The following MDGA2 variants were observed in gnomAD, a reference collection of about 807,000 sequenced individuals.
MDGA2 encodes MAM domain-containing glycosylphosphatidylinositol anchor protein 2.
A neutral mutation model predicts 117.8 loss-of-function variants in MDGA2; 40 were observed. That is an observed-to-expected ratio of 0.34 (90% CI 0.26 to 0.44). The LOEUF is 0.44. Among genes scored for constraint, MDGA2 ranks in the 20% least tolerant of loss-of-function variants. The pLI is 1.00. For synonymous variants in MDGA2, 452 were observed against 439.0 expected, an observed-to-expected ratio of 1.03 and a Z score of -0.37; for missense variants, 1,123 against 1,250.6, an observed-to-expected ratio of 0.90 and a Z score of 1.54.
intron 1 of MDGA2, among the ~76,000 whole-genome samples, chr14:47,454,441 A>C (rs1028922217): frequency 2.4e-4 from 36 of 152,202 alleles, no homozygotes; most frequent in African/African-American, 8.4e-4. Flanking sequence ...ATATTTCTTT[A>C]ATACTTTAAA....
At chr14:47,532,380 A>G (rs1895118894) in intron 1 of MDGA2, among the ~76,000 whole-genome samples, 1 of 151,966 alleles carries the variant, frequency 6.6e-6, no homozygotes, top group Non-Finnish European at 1.5e-5. Context: ...TCACCCACCA[A>G]TTTTGCCCTA....
intron 2 of MDGA2, among the ~76,000 whole-genome samples, chr14:47,289,664 T>C (rs1447531445): frequency 6.6e-6 from 1 of 152,136 alleles, no homozygotes; most frequent in Non-Finnish European, 1.5e-5. Flanking sequence ...CTATGAGCAA[T>C]GCAATCAATA....
At chr14:47,394,083 T>C (rs1891954729) in intron 1 of MDGA2, among the ~76,000 whole-genome samples, 1 of 152,094 alleles carries the variant, frequency 6.6e-6, no homozygotes, top group Admixed American at 6.6e-5. Flanking sequence ...AAAATGCCAG[T>C]TCATCACTTC....
chr14:46,874,384 G>C (rs1882140715), intron 12 of MDGA2, among the ~76,000 whole-genome samples, 184 bp from the exon 13 acceptor site: 1 of 151,652 alleles, frequency 6.6e-6, no homozygotes, highest in Non-Finnish European at 1.5e-5. Context: ...TAATGAAAAA[G>C]TAAAAGAATT....
At chr14:47,542,112 A>G (rs961808785) in intron 1 of MDGA2, among the ~76,000 whole-genome samples, 6 of 152,210 alleles carry the variant, frequency 3.9e-5, no homozygotes, top group Non-Finnish European at 8.8e-5. Flanking sequence ...TAGGAAAACC[A>G]TGAAGGAGGA....
intron 1 of MDGA2, among the ~76,000 whole-genome samples, chr14:47,325,635 C>T (rs1399428396): frequency 1.3e-5 from 2 of 152,084 alleles, no homozygotes; most frequent in African/African-American, 4.8e-5. Flanking sequence ...TTGAATGTGA[C>T]CTGAGCTTTG....
intron 1 of MDGA2, among the ~76,000 whole-genome samples, chr14:47,338,219 A>G (rs1409501886): frequency 6.6e-6 from 1 of 151,822 alleles, no homozygotes; most frequent in African/African-American, 2.4e-5. Flanking sequence ...AGTGAATGAG[A>G]TTTCATTTTA....
intron 3 of MDGA2, among the ~76,000 whole-genome samples, chr14:47,168,673 T>A (rs1415939412): frequency 6.6e-6 from 1 of 152,138 alleles, no homozygotes; most frequent in Non-Finnish European, 1.5e-5. Context: ...TGCTAAGTTT[T>A]AGATTCTGAT....
At chr14:46,911,662 A>G (rs1883709360) in intron 10 of MDGA2, among the ~76,000 whole-genome samples, 1 of 152,216 alleles carries the variant, frequency 6.6e-6, no homozygotes, top group Non-Finnish European at 1.5e-5. Context: ...GTGAAATGAC[A>G]TATAAGGAAA....
intron 3 of MDGA2, among the ~76,000 whole-genome samples, chr14:47,162,536 C>G (rs984858433): frequency 6.6e-6 from 1 of 151,800 alleles, no homozygotes; most frequent in African/African-American, 2.4e-5. Context: ...GTGATTTCCT[C>G]TTTCTCCTCG....
chr14:47,012,887 T>C (rs1887944625), intron 8 of MDGA2, among the ~76,000 whole-genome samples: 1 of 152,278 alleles, frequency 6.6e-6, no homozygotes, highest in East Asian at 1.9e-4. Flanking sequence ...TACTGCAGTC[T>C]ATACAGCATT....
At chr14:47,522,060 G>A (rs1327492143) in intron 1 of MDGA2, among the ~76,000 whole-genome samples, 1 of 152,070 alleles carries the variant, frequency 6.6e-6, no homozygotes, top group East Asian at 1.9e-4. Flanking sequence ...GCCCCTGAAT[G>A]ACTCTAAAAG....
intron 1 of MDGA2, among the ~76,000 whole-genome samples, chr14:47,473,417 A>G (rs1021115931): frequency 6.6e-6 from 1 of 152,200 alleles, no homozygotes; most frequent in African/African-American, 2.4e-5. Flanking sequence ...AAGAGAATAT[A>G]TTGTACTCTA....
chr14:46,912,607 C>T (rs973884713), intron 10 of MDGA2, among the ~76,000 whole-genome samples: 11 of 152,274 alleles, frequency 7.2e-5, no homozygotes, highest in African/African-American at 1.9e-4. Context: ...CCCTCTTTCA[C>T]TCTTTTAAGT....
chr14:47,000,657 A>G (rs927881680), intron 8 of MDGA2, among the ~76,000 whole-genome samples: 3 of 151,388 alleles, frequency 2.0e-5, no homozygotes, highest in Non-Finnish European at 4.4e-5. Flanking sequence ...TTTGTAATCC[A>G]TAAGTTCAAA....
chr14:47,631,082 G>A (rs1897243565), intron 1 of MDGA2, among the ~76,000 whole-genome samples: 1 of 152,194 alleles, frequency 6.6e-6, no homozygotes, highest in African/African-American at 2.4e-5. Context: ...GATACACAAT[G>A]TGATCACCTG....
chr14:46,946,595 A>C (rs1367850322), intron 9 of MDGA2, among the ~76,000 whole-genome samples: 2 of 152,088 alleles, frequency 1.3e-5, no homozygotes, highest in Admixed American at 6.6e-5. Flanking sequence ...GCTCCTATGG[A>C]ACATACATTA....
chr14:47,665,600 G>A (rs1594971244), intron 1 of MDGA2, among the ~76,000 whole-genome samples: 1 of 152,172 alleles, frequency 6.6e-6, no homozygotes, highest in East Asian at 1.9e-4. Flanking sequence ...GGGTGGGCGT[G>A]GGCTTGGCGG....
chr14:47,383,811 C>G (rs956653441), intron 1 of MDGA2, among the ~76,000 whole-genome samples: 1 of 152,084 alleles, frequency 6.6e-6, no homozygotes, highest in Non-Finnish European at 1.5e-5. Flanking sequence ...TGGCGTGAAC[C>G]ACCACACCCG....
Sources: gnomAD v4.1 joint callset for allele counts (sites outside exome capture counted in the v4.1 genomes callset) on GRCh38, gnomAD v4.1.1 for gene constraint, MANE v1.5 for transcripts, NCBI Gene and HGNC (gene_info 2026-07-23, HGNC 2026-07-21) for gene names.